Variants in TRAPPC4 observed in about 807,000 individuals in gnomAD.
TRAPPC4 encodes the protein trafficking protein particle complex subunit 4, also known as TRS23 homolog.
TRAPPC4 carries 30 observed loss-of-function variants against 23.5 expected under a neutral mutation model. The ratio of observed to expected loss-of-function variants is 1.28; its 90% CI spans 0.96 to 1.73. The LOEUF (loss-of-function observed/expected upper bound fraction) is 1.73, where lower values mean the gene tolerates loss of function less well. Among genes scored for constraint, TRAPPC4 ranks in the 40% most tolerant of loss-of-function variants. The pLI, the probability that TRAPPC4 is intolerant of heterozygous loss-of-function variation, is 0.00. For missense variants in TRAPPC4, 252 were observed against 268.9 expected (o/e 0.94, Z 0.44); for synonymous variants, 129 against 105.3 (o/e 1.23, Z -1.38).
Position 119,018,974 on chromosome 11 carries a change from G to T in TRAPPC4, c.175+4G>T. 1 of 1,610,784 alleles carries T rather than the reference G, an allele frequency of 6.2e-7. No individual in the cohort carries two copies. The highest frequency in any genetic ancestry group is 8.5e-7 in the Non-Finnish European group (1 of 1,179,256). On this transcript the variant is annotated splice_donor_region_variant and intron_variant, in intron 1 of 4. Coordinates refer to ENST00000533632, the MANE Select transcript of TRAPPC4 (RefSeq NM_016146.6). ...GGCCAGCGGGACGGCATCCGAGGTG[G>T]GCTAGGCTCGGGCCCGTGGCGGGTG...
At chr11:119,023,250 T>C in intron 4 of TRAPPC4, 71 bp from the exon 5 acceptor site, 1 of 1,476,672 alleles carries the variant, frequency 6.8e-7, no homozygotes, top group Non-Finnish European at 9.5e-7. Flanking sequence ...CTTCAAGCAG[T>C]TTCCCCTGGC....
At position 119,020,143 on chromosome 11, in the gene TRAPPC4, C is replaced by T; in HGVS notation, c.351-7C>T. 1.2e-6 allele frequency: 2 copies of T among 1,611,714 alleles called. No homozygotes were observed. ...CCTTAGAGCAACTTTGCCTCCTTTG[C>T]ATATAGGCTCTTTGCCATCGGCTCC... On this transcript the variant is annotated splice_polypyrimidine_tract_variant and splice_region_variant and intron_variant, in intron 2 of 4. Coordinates refer to ENST00000533632, the MANE Select transcript of TRAPPC4 (RefSeq NM_016146.6).
Position 119,022,961 on chromosome 11 carries a change from T to TGG in TRAPPC4, c.582-360_582-359insGG, listed in dbSNP as rs199590107. ...TGTGGGGTTTTTTTTGTTGATGTTT[T>TGG]TTTTTTTTTTTTTTTTTTTGAGACT... On this transcript the variant is annotated intron_variant, in intron 4 of 4. Transcript: ENST00000533632. The TGG allele has an allele frequency of 4.9e-4, 61 of 125,192 alleles. 1 individual carries two copies. Among genetic ancestry groups the TGG allele is most frequent in the Non-Finnish European group, 7.1e-4 (41 of 58,152 alleles). The allele number at this position is 125,192 out of a possible 1,614,324, so 7.8% of individuals were successfully genotyped here. A position where few individuals can be genotyped will look rare whatever the true frequency, so the allele number is the denominator to read the frequency against.
At chr11:119,023,242 T>C (rs1443900156) in intron 4 of TRAPPC4, 79 bp from the exon 5 acceptor site, 2 of 1,392,872 alleles carry the variant, frequency 1.4e-6, no homozygotes, top group African/African-American at 2.8e-5. Flanking sequence ...ATGTTGTTCT[T>C]CAAGCAGTTT....
chr11:119,022,160 T>G (rs577953304), intron 4 of TRAPPC4, among the ~76,000 whole-genome samples: 106 of 152,280 alleles, frequency 7.0e-4, no homozygotes, highest in African/African-American at 2.3e-3. Flanking sequence ...AATTTCATGT[T>G]TCTAGTAAAG....
At chr11:119,023,236 TG>T in intron 4 of TRAPPC4, 84 bp from the exon 5 acceptor site, 1 of 1,320,152 alleles carries the variant, frequency 7.6e-7, no homozygotes, top group East Asian at 2.3e-5. Context: ...TGATATATGT[TG>T]TTCTTCAAGC....
chr11:119,021,766 AG>A lies in TRAPPC4; in HGVS notation c.462del (p.Lys154AsnfsTer5). ...ATTCTTGGTCTCTCTCCAGGGATCA[AG>A]TTTGTGGTTCTAGCAGATCCTAGGC... ...LHCYQTLTGI[K>X]FVVLADPRQA... is the part of the protein sequence containing the mutation. On this transcript the variant is annotated frameshift_variant, in exon 4 of 5. Coordinates refer to ENST00000533632, the MANE Select transcript of TRAPPC4 (RefSeq NM_016146.6). LOFTEE classifies it high-confidence loss of function. 1 of 1,614,038 alleles carries A rather than the reference AG, an allele frequency of 6.2e-7. No homozygotes were observed. The highest frequency in any genetic ancestry group is 1.1e-5 in the South Asian group (1 of 91,074).
rs782113508 is a variant in TRAPPC4, at chr11:119,020,203, A to G, written c.404A>G (p.Glu135Gly). ...LSPEQGSSGI[E>G]MLETDTFKLH... The stretch of plus-strand genomic sequence containing the variant: ...CCTGAACAGGGAAGCTCAGGCATTG[A>G]GATGCTGGAGACAGACACATTCAAA... The change falls in exon 3 of 5, where the codon GAG becomes GGG. Residue 135 changes from glutamate (E) to glycine (G), a missense_variant. Glu to Gly is a moderately conservative substitution (Grantham distance 98, BLOSUM62 -2). Coordinates refer to ENST00000533632, the MANE Select transcript of TRAPPC4 (RefSeq NM_016146.6). 1.2e-6 allele frequency: 2 copies of G among 1,613,984 alleles called. No individual in the cohort carries two copies. Among genetic ancestry groups the G allele is most frequent in the East Asian group, 4.5e-5 (2 of 44,892 alleles).
chr11:119,021,615 C>A, intron 3 of TRAPPC4, 145 bp from the exon 4 acceptor site: 1 of 860,180 alleles, frequency 1.2e-6, no homozygotes, highest in Non-Finnish European at 1.7e-6. Context: ...AAAGTCTTGC[C>A]TTTCCTGCAT....
intron 4 of TRAPPC4, 107 bp from the exon 5 acceptor site, chr11:119,023,214 C>G: frequency 9.4e-7 from 1 of 1,068,862 alleles, no homozygotes; most frequent in Non-Finnish European, 1.4e-6. Context: ...ATCCGCCCAC[C>G]TCAGCCTTCC....
At position 119,019,487 on chromosome 11, in the gene TRAPPC4, G is replaced by C. The variant is rs1012914849; in HGVS notation, c.350+170G>C. 2.2e-5 allele frequency: 15 copies of C among 697,128 alleles called. No individual in the cohort carries two copies. The East Asian group carries it at 2.5e-4, about 12-fold the overall frequency. 43.2% of individuals were successfully genotyped at this position (697,128 alleles called of 1,614,324 possible). A position where few individuals can be genotyped will look rare whatever the true frequency, so the allele number is the denominator to read the frequency against. Reference sequence around the variant, plus strand: ...GGGGAGGGGCCGCGGAGTTACCCAGGCTGGAGCGCAGTGGCGGGATCTCGG... The same window carrying C: ...GGGGAGGGGCCGCGGAGTTACCCAGCCTGGAGCGCAGTGGCGGGATCTCGG... On this transcript the variant is annotated intron_variant, in intron 2 of 4. Coordinates refer to ENST00000533632, the MANE Select transcript of TRAPPC4 (RefSeq NM_016146.6).
At chr11:119,019,517 C>A (rs533600579) in intron 2 of TRAPPC4, 200 bp downstream of exon 2, 3 of 569,388 alleles carry the variant, frequency 5.3e-6, no homozygotes, top group Middle Eastern at 4.7e-4. Flanking sequence ...TCTCGGCTCA[C>A]TGCAGCCTCT....
intron 3 of TRAPPC4, 81 bp from the exon 4 acceptor site, chr11:119,021,679 T>C (rs971588702): frequency 6.6e-7 from 1 of 1,509,196 alleles, no homozygotes; most frequent in South Asian, 1.2e-5. Context: ...TTTTGCAAAA[T>C]TGAAAGTGCT....
At position 119,023,776 on chromosome 11, in the gene TRAPPC4, A is replaced by C. The variant is rs1399662061; in HGVS notation, c.*377A>C. On this transcript the variant is annotated 3_prime_UTR_variant, in exon 5 of 5. Transcript: ENST00000533632. Reference sequence around the variant, plus strand: ...TTATGTGCTAGTAAAAAACATAACAAATATGTGTTCATTAAATAAATGAAC... The same window carrying C: ...TTATGTGCTAGTAAAAAACATAACACATATGTGTTCATTAAATAAATGAAC... The C allele has an allele frequency of 6.1e-6, 1 of 164,738 alleles. No homozygotes were observed. The allele number at this position is 164,738 out of a possible 1,614,324, so 10.2% of individuals were successfully genotyped here. A position where few individuals can be genotyped will look rare whatever the true frequency, so the allele number is the denominator to read the frequency against.
intron 3 of TRAPPC4, chr11:119,021,405 G>A (rs1943355044): frequency 5.2e-6 from 1 of 193,398 alleles, no homozygotes; most frequent in Non-Finnish European, 1.1e-5. Context: ...AAATGGATAT[G>A]ACCTTTGGAT....
rs1339760291 is a variant in TRAPPC4 at position 119,019,488 on chromosome 11, C to G, written c.350+171C>G. The G allele has an allele frequency of 1.2e-5, 8 of 693,422 alleles. No individual in the cohort carries two copies. In the Admixed American group the frequency reaches 2.4e-4, roughly 21 times the overall value. The allele number at this position is 693,422 out of a possible 1,614,324, so 43.0% of individuals were successfully genotyped here. A position where few individuals can be genotyped will look rare whatever the true frequency, so the allele number is the denominator to read the frequency against. On this transcript the variant is annotated intron_variant, in intron 2 of 4. Coordinates refer to ENST00000533632, the MANE Select transcript of TRAPPC4 (RefSeq NM_016146.6). ...GGGAGGGGCCGCGGAGTTACCCAGG[C>G]TGGAGCGCAGTGGCGGGATCTCGGC... is the stretch of plus-strand genomic sequence containing the variant.
At chr11:119,021,667 T>C in intron 3 of TRAPPC4, 93 bp from the exon 4 acceptor site, 1 of 1,390,460 alleles carries the variant, frequency 7.2e-7, no homozygotes, top group Non-Finnish European at 9.9e-7. Flanking sequence ...CTTATGAAAG[T>C]GTTTTGCAAA....
chr11:119,019,624 TAGAG>T (rs1422825284), intron 2 of TRAPPC4: 1 of 310,158 alleles, frequency 3.2e-6, no homozygotes, highest in Non-Finnish European at 6.2e-6. Flanking sequence ...GTATTTTTAG[TAGAG>T]AGGGGTTTTG....
chr11:119,023,369 G>A lies in TRAPPC4; in HGVS notation c.630G>A (p.Glu210=). ...TGAAGCTAGCTCTGGAGGTGGCAGA[G>A]AAGGCTGGAACTTTTGGACCTGGGT... ...QNLKLALEVA[E]KAGTFGPGS is the part of the protein sequence containing the mutation. The change falls in exon 5 of 5, where the codon GAG becomes GAA. Residue 210 remains glutamate, a synonymous_variant. Coordinates refer to ENST00000533632, the MANE Select transcript of TRAPPC4 (RefSeq NM_016146.6). 2 of 1,614,126 alleles carry A rather than the reference G, an allele frequency of 1.2e-6. No homozygotes were observed. Among genetic ancestry groups the A allele is most frequent in the Non-Finnish European group, 1.7e-6 (2 of 1,180,002 alleles).
Sources: gnomAD v4.1 joint callset for allele counts (sites outside exome capture counted in the v4.1 genomes callset) on GRCh38, gnomAD v4.1.1 for gene constraint, MANE v1.5 for transcripts, NCBI Gene and HGNC (gene_info 2026-07-23, HGNC 2026-07-21) for gene names.